TMX2: variants seen among roughly 807,000 people sequenced by gnomAD.
TMX2 encodes the protein thioredoxin related transmembrane protein 2.
Under a neutral mutation model 33.4 loss-of-function variants are expected in TMX2, and 20 were observed. The observed-to-expected ratio is 0.60, with a 90% CI of 0.42 to 0.87. The LOEUF is 0.87. TMX2 is among the 40% of genes least tolerant of loss of function. TMX2 has a pLI of 0.00. For synonymous variants in TMX2, 166 were observed against 140.7 expected, an observed-to-expected ratio of 1.18 and a Z score of -1.27; for missense variants, 340 against 370.7, an observed-to-expected ratio of 0.92 and a Z score of 0.68.
intron 1 of TMX2, chr11:57,718,645 C>A (rs1383840400): frequency 9.0e-6 from 3 of 333,048 alleles, no homozygotes; most frequent in East Asian, 1.5e-4. Context: ...TCTGAAATAA[C>A]CCCCCCTCTT....
chr11:57,732,551 C>G (rs1477898020), intron 1 of TMX2, among the ~76,000 whole-genome samples: 1 of 152,136 alleles, frequency 6.6e-6, no homozygotes, highest in Non-Finnish European at 1.5e-5. Flanking sequence ...CCTGTATACT[C>G]TTATCTAATA....
At chr11:57,718,399 TC>T in intron 1 of TMX2, 1 of 1,416,186 alleles carries the variant, frequency 7.1e-7, no homozygotes, top group South Asian at 1.2e-5. Context: ...TACAACCAAA[TC>T]CTTTTTGTCC....
chr11:57,736,693 G>T (rs1416362510), intron 1 of TMX2, among the ~76,000 whole-genome samples: 3 of 152,070 alleles, frequency 2.0e-5, no homozygotes, highest in South Asian at 4.2e-4. Context: ...TTCCATACCA[G>T]CCCGGGCAAC....
chr11:57,732,624 A>C (rs1378721875), intron 1 of TMX2, among the ~76,000 whole-genome samples: 1 of 152,194 alleles, frequency 6.6e-6, no homozygotes, highest in Non-Finnish European at 1.5e-5. Context: ...GCTTAGGGTT[A>C]ATAGCCAATT....
intron 1 of TMX2, among the ~76,000 whole-genome samples, chr11:57,716,823 G>A (rs1947123137): frequency 1.3e-5 from 2 of 149,512 alleles, no homozygotes; most frequent in African/African-American, 5.0e-5. Flanking sequence ...GGACGGGGCG[G>A]CTGGCCGGGC....
rs1949020733 is a variant in TMX2 at position 57,740,518 on chromosome 11, T to G, written c.*273T>G. On this transcript the variant is annotated 3_prime_UTR_variant, in exon 8 of 8. Coordinates refer to ENST00000278422, the MANE Select transcript of TMX2 (RefSeq NM_015959.4). ...TTCCCTCCAAGCTTGGGTCAGTGTGTTAACTGCTTATCAGCTATTCAGACA... is the reference window on the plus strand; with the variant it reads ...TTCCCTCCAAGCTTGGGTCAGTGTGGTAACTGCTTATCAGCTATTCAGACA... 1 of 356,046 alleles carries G rather than the reference T, an allele frequency of 2.8e-6. No individual in the cohort carries two copies. Among genetic ancestry groups the G allele is most frequent in the African/African-American group, 2.1e-5 (1 of 46,720 alleles). The allele number at this position is 356,046 out of a possible 1,614,324, so 22.1% of individuals were successfully genotyped here.
intron 1 of TMX2, among the ~76,000 whole-genome samples, chr11:57,713,016 ATGCAC>A (rs951887969): frequency 6.6e-6 from 1 of 152,230 alleles, no homozygotes; most frequent in African/African-American, 2.4e-5. Context: ...GTCGTAGCCC[ATGCAC>A]AACGGCCCAA....
At chr11:57,714,544 G>A (rs1197428355) in intron 1 of TMX2, among the ~76,000 whole-genome samples, 4 of 151,978 alleles carry the variant, frequency 2.6e-5, no homozygotes, top group Non-Finnish European at 4.4e-5. Context: ...TCAAAGTCAC[G>A]TTGACTAGCT....
chr11:57,716,637 G>A (rs1319336494), intron 1 of TMX2, among the ~76,000 whole-genome samples: 2 of 135,860 alleles, frequency 1.5e-5, no homozygotes, highest in Admixed American at 7.1e-5. Flanking sequence ...CCTCCCTCCC[G>A]GACGGGGCGG....
intron 1 of TMX2, among the ~76,000 whole-genome samples, chr11:57,730,736 C>CA (rs1480275307): frequency 6.6e-6 from 1 of 152,034 alleles, no homozygotes; most frequent in Non-Finnish European, 1.5e-5. Flanking sequence ...AACTGCGTCT[C>CA]AAAGAAAAAC....
At chr11:57,717,475 C>T (rs1947209244) in intron 1 of TMX2, among the ~76,000 whole-genome samples, 2 of 152,064 alleles carry the variant, frequency 1.3e-5, no homozygotes, top group East Asian at 3.9e-4. Flanking sequence ...CCAAGGCTGG[C>T]GGATCACTCG....
intron 1 of TMX2, among the ~76,000 whole-genome samples, chr11:57,715,037 C>T (rs1002008626): frequency 3.9e-5 from 6 of 152,156 alleles, no homozygotes; most frequent in Non-Finnish European, 7.4e-5. Flanking sequence ...TCCGGTGATA[C>T]AGTTTCAAAG....
At chr11:57,731,631 T>G (rs1417386328) in intron 1 of TMX2, among the ~76,000 whole-genome samples, 2 of 151,902 alleles carry the variant, frequency 1.3e-5, no homozygotes, top group Non-Finnish European at 2.9e-5. Flanking sequence ...TTTTACAGAG[T>G]TTGACTCTTT....
chr11:57,723,342 G>T (rs1346290446), intron 1 of TMX2, among the ~76,000 whole-genome samples: 1 of 151,584 alleles, frequency 6.6e-6, no homozygotes, highest in East Asian at 2.0e-4. Flanking sequence ...AATTAGCTGG[G>T]TATGGTGGTA....
intron 4 of TMX2, 101 bp from the exon 5 acceptor site, chr11:57,738,563 G>A (rs569800383): frequency 1.2e-4 from 154 of 1,241,964 alleles, no homozygotes; most frequent in Non-Finnish European, 1.6e-4. Flanking sequence ...TATGAGAGCC[G>A]GGGGAGAGGG....
chr11:57,712,682 G>C lies in TMX2; in HGVS notation c.64G>C (p.Ala22Pro). 1 of 1,614,128 alleles carries C rather than the reference G, an allele frequency of 6.2e-7. No individual in the cohort carries two copies. The highest frequency in any genetic ancestry group is 8.5e-7 in the Non-Finnish European group (1 of 1,180,026). Reference sequence around the variant, plus strand: ...GGTGCCGCGACTTTCACGATGGCTCGCCCAACCTTACTACCTTCTGTCGGC... The same window carrying C: ...GGTGCCGCGACTTTCACGATGGCTCCCCCAACCTTACTACCTTCTGTCGGC... ...YSVPRLSRWL[A>P]QPYYLLSALL... The change falls in exon 1 of 8, where the codon GCC becomes CCC. Residue 22 changes from alanine (A) to proline (P), a missense_variant. Ala to Pro is a conservative substitution (Grantham distance 27). Around this residue, in one of 3 missense-constraint regions of TMX2, gnomAD observed 106 missense variants for 82.7 expected, o/e 1.28. Coordinates refer to ENST00000278422, the MANE Select transcript of TMX2 (RefSeq NM_015959.4).
At chr11:57,733,850 G>T (rs189208966) in intron 1 of TMX2, among the ~76,000 whole-genome samples, 4 of 152,066 alleles carry the variant, frequency 2.6e-5, no homozygotes, top group Non-Finnish European at 4.4e-5. Flanking sequence ...GGTCATCCCA[G>T]CATCATCCAG....
intron 1 of TMX2, among the ~76,000 whole-genome samples, chr11:57,733,034 G>A (rs780794811): frequency 6.6e-6 from 1 of 152,102 alleles, no homozygotes; most frequent in Non-Finnish European, 1.5e-5. Context: ...ACAATGGTAA[G>A]TATTTATGTA....
At chr11:57,733,208 GTTT>G (rs199852037) in intron 1 of TMX2, among the ~76,000 whole-genome samples, 3 of 103,718 alleles carry the variant, frequency 2.9e-5, no homozygotes, top group Admixed American at 2.9e-4. Flanking sequence ...CTGTGGTTGT[GTTT>G]TTTTTTTTAA....
Sources: gnomAD v4.1 joint callset for allele counts (sites outside exome capture counted in the v4.1 genomes callset) on GRCh38, gnomAD v4.1.1 for gene constraint, gnomAD v4.1.1 regional missense constraint, MANE v1.5 for transcripts, NCBI Gene and HGNC (gene_info 2026-07-23, HGNC 2026-07-21) for gene names.